Variants in KCNIP4 observed in about 807,000 individuals in gnomAD.
KCNIP4 encodes potassium voltage-gated channel interacting protein 4.
In KCNIP4, 12 loss-of-function variants were observed where a neutral mutation model predicts 34.0. That is an observed-to-expected ratio of 0.35 (90% CI 0.23 to 0.57). KCNIP4 has a LOEUF of 0.57. Ranked by LOEUF, KCNIP4 falls within the 20% of genes least tolerant of loss-of-function variation. KCNIP4 has a pLI of 0.83. For missense variants in KCNIP4, 238 were observed against 311.7 expected (o/e 0.76, Z 1.78); for synonymous variants, 124 against 102.2 (o/e 1.21, Z -1.29).
At chr4:21,313,743 A>T (rs951595850) in intron 1 of KCNIP4, among the ~76,000 whole-genome samples, 5 of 152,200 alleles carry the variant, frequency 3.3e-5, no homozygotes, top group Admixed American at 1.3e-4. Context: ...TGTTAAGTTT[A>T]TTATGAGCAG....
At chr4:21,781,540 A>C (rs1272229395) in intron 1 of KCNIP4, among the ~76,000 whole-genome samples, 2 of 152,188 alleles carry the variant, frequency 1.3e-5, no homozygotes, top group African/African-American at 4.8e-5. Flanking sequence ...AAAACTAAGA[A>C]AATTTGTCAC....
At chr4:21,337,104 A>G (rs962447319) in intron 1 of KCNIP4, among the ~76,000 whole-genome samples, 2 of 146,554 alleles carry the variant, frequency 1.4e-5, no homozygotes, top group African/African-American at 5.5e-5. Context: ...AGGATAGGGA[A>G]AGGGGCAAGG....
At chr4:21,377,066 A>T (rs1721027189) in intron 1 of KCNIP4, among the ~76,000 whole-genome samples, 1 of 151,900 alleles carries the variant, frequency 6.6e-6, no homozygotes, top group African/African-American at 2.4e-5. Context: ...AATCATTTGC[A>T]TTTTTACATT....
intron 3 of KCNIP4, among the ~76,000 whole-genome samples, chr4:20,842,432 G>A (rs1482900502): frequency 6.6e-6 from 1 of 152,052 alleles, no homozygotes; most frequent in Non-Finnish European, 1.5e-5. Context: ...AAAGTCAGCA[G>A]AAGATGGTTG....
chr4:20,888,842 G>T (rs1725601766), intron 1 of KCNIP4, among the ~76,000 whole-genome samples: 1 of 151,946 alleles, frequency 6.6e-6, no homozygotes, highest in African/African-American at 2.4e-5. Flanking sequence ...TTTTTTAAAG[G>T]TTACATGTTC....
intron 1 of KCNIP4, among the ~76,000 whole-genome samples, chr4:21,231,118 T>C (rs901802110): frequency 4.6e-5 from 7 of 152,164 alleles, no homozygotes; most frequent in African/African-American, 1.7e-4. Flanking sequence ...ATTCTTAATT[T>C]GGCCTGACTA....
intron 1 of KCNIP4, among the ~76,000 whole-genome samples, chr4:21,905,639 T>C (rs1364995919): frequency 6.6e-6 from 1 of 152,142 alleles, no homozygotes; most frequent in Non-Finnish European, 1.5e-5. Flanking sequence ...TTCTCACTCA[T>C]AGGCTATCAC....
At chr4:21,658,331 T>C (rs76966596) in intron 1 of KCNIP4, among the ~76,000 whole-genome samples, 2,423 of 152,338 alleles carry the variant, frequency 0.016, 66 homozygotes, top group African/African-American at 0.055. Flanking sequence ...CCATTTCATC[T>C]TAAGTAATGC....
chr4:21,740,341 C>T (rs1047592063), intron 1 of KCNIP4, among the ~76,000 whole-genome samples: 1 of 152,050 alleles, frequency 6.6e-6, no homozygotes, highest in Non-Finnish European at 1.5e-5. Flanking sequence ...CCTACCCTTT[C>T]TCCCTTCATT....
At chr4:21,363,860 G>A (rs1468353336) in intron 1 of KCNIP4, among the ~76,000 whole-genome samples, 1 of 152,110 alleles carries the variant, frequency 6.6e-6, no homozygotes, top group Non-Finnish European at 1.5e-5. Flanking sequence ...ATTAGCTACA[G>A]TGATCCCAAA....
intron 1 of KCNIP4, among the ~76,000 whole-genome samples, chr4:21,128,676 C>T (rs1750815540): frequency 6.6e-6 from 1 of 152,172 alleles, no homozygotes; most frequent in Non-Finnish European, 1.5e-5. Flanking sequence ...TTTGTACTTT[C>T]TTGGGAGCAA....
chr4:21,745,978 C>T (rs1310140043), intron 1 of KCNIP4, among the ~76,000 whole-genome samples: 2 of 152,098 alleles, frequency 1.3e-5, no homozygotes, highest in Admixed American at 6.6e-5. Context: ...TATATTTTCT[C>T]GCAGATCTGG....
intron 1 of KCNIP4, among the ~76,000 whole-genome samples, chr4:20,970,099 G>A (rs1167970911): frequency 3.3e-5 from 5 of 151,896 alleles, no homozygotes; most frequent in African/African-American, 9.7e-5. Flanking sequence ...CCGCCACCAC[G>A]CCCGGCTAAT....
At chr4:21,339,333 G>A (rs1474117926) in intron 1 of KCNIP4, among the ~76,000 whole-genome samples, 4 of 152,254 alleles carry the variant, frequency 2.6e-5, no homozygotes, top group East Asian at 1.9e-4. Context: ...AGTAACACAC[G>A]GTTTTAATTC....
intron 1 of KCNIP4, among the ~76,000 whole-genome samples, chr4:21,519,800 C>CACGTGT (rs1240465779): frequency 7.9e-5 from 9 of 113,394 alleles, no homozygotes; most frequent in East Asian, 5.9e-4. Flanking sequence ...TGTGTATACA[C>CACGTGT]GTGTGTGTAT....
At chr4:21,786,058 C>T (rs1560713156) in intron 1 of KCNIP4, among the ~76,000 whole-genome samples, 1 of 152,216 alleles carries the variant, frequency 6.6e-6, no homozygotes, top group Admixed American at 6.5e-5. Context: ...AAGCGATTCC[C>T]CTGCCTCAGC....
chr4:21,501,248 T>TCTCTCTCACACACACACACACACACA lies in KCNIP4; in HGVS notation c.61+447322_61+447323insTGTGTGTGTGTGTGTGTGTGAGAGAG, dbSNP rs764571152. ...TTCTCTCTCTCTCTCTCTCTCTCTC[T>TCTCTCTCACACACACACACACACACA]CACACACACACACACACACACACAC... On this transcript the variant is annotated intron_variant, in intron 1 of 8. Coordinates refer to ENST00000382152, the MANE Select transcript of KCNIP4 (RefSeq NM_025221.6). 3.8e-5 allele frequency among the ~76,000 whole-genome samples: 4 copies of TCTCTCTCACACACACACACACACACA among 104,292 alleles called. No individual in the cohort carries two copies. In the South Asian group the frequency reaches 1.6e-3, roughly 41 times the overall value. 68.4% of individuals were successfully genotyped at this position (104,292 alleles called of 152,430 possible).
At chr4:21,914,480 C>T (rs1046016253) in intron 1 of KCNIP4, among the ~76,000 whole-genome samples, 3 of 152,156 alleles carry the variant, frequency 2.0e-5, no homozygotes, top group African/African-American at 4.8e-5. Context: ...AGCCCCTGGA[C>T]ATGCCAGGCT....
intron 3 of KCNIP4, among the ~76,000 whole-genome samples, chr4:20,766,029 ATTAT>A (rs954391391): frequency 6.6e-6 from 1 of 152,198 alleles, no homozygotes; most frequent in Non-Finnish European, 1.5e-5. Context: ...ATATTTTATA[ATTAT>A]TAATGTGATG....
Sources: allele counts gnomAD v4.1 joint callset (sites outside exome capture counted in the v4.1 genomes callset), GRCh38; gene constraint gnomAD v4.1.1; transcripts MANE v1.5; gene names NCBI Gene and HGNC (gene_info 2026-07-23, HGNC 2026-07-21).